Variants in OSBPL9 observed in about 807,000 individuals in gnomAD.
OSBPL9 encodes oxysterol-binding protein-related protein 9.
In OSBPL9, 40 loss-of-function variants were observed where a neutral mutation model predicts 106.6. That is an observed-to-expected ratio of 0.38 (90% CI 0.29 to 0.49). OSBPL9 has a LOEUF of 0.49. OSBPL9 is among the 20% of genes least tolerant of loss of function. OSBPL9 has a pLI of 0.97. For synonymous variants in OSBPL9, 269 were observed against 295.4 expected (o/e 0.91, Z 0.92); for missense variants, 609 against 887.2 (o/e 0.69, Z 3.98).
chr1:51,712,867 CAGA>C (rs1166049033), intron 3 of OSBPL9, among the ~76,000 whole-genome samples: 1 of 152,208 alleles, frequency 6.6e-6, no homozygotes, highest in East Asian at 1.9e-4. Context: ...TATCTTCCTA[CAGA>C]AAAGATTTTC....
rs201729184 is a variant in OSBPL9, at chr1:51,750,160, A to G, written c.508A>G (p.Ile170Val). 209 of 1,607,086 alleles carry G rather than the reference A, an allele frequency of 1.3e-4. 1 individual carries two copies. In the East Asian group the frequency reaches 1.5e-3, roughly 12 times the overall value. ...GTTTTTATAGAGCATGGTAGAATCA[A>G]TTAAACACTGCATTGTGTTGCTGCA... ...KETTNSMVES[I>V]KHCIVLLQIA... is the part of the protein sequence containing the mutation. The change falls in exon 8 of 24, where the codon ATT becomes GTT. Residue 170 changes from isoleucine (I) to valine (V), a missense_variant. Ile to Val is a conservative substitution (Grantham distance 29). Coordinates refer to ENST00000428468, the MANE Select transcript of OSBPL9 (RefSeq NM_024586.6).
the OSBPL9 span, among the ~76,000 whole-genome samples, chr1:51,551,033 TC>T: frequency 6.6e-6 from 1 of 152,084 alleles, no homozygotes; most frequent in Admixed American, 6.6e-5. Flanking sequence ...AAATGATCAC[TC>T]CCTTTCTACT....
In OSBPL9 at chr1:51,750,819, T is replaced by C. The variant is rs72898095; in HGVS notation, c.543+624T>C. The stretch of plus-strand genomic sequence containing the variant: ...ATTTTTAAAACTATTTCTACCTCAC[T>C]ACACCCCTTTATTTCCAGCAAGTGG... On this transcript the variant is annotated intron_variant, in intron 8 of 23. Transcript: ENST00000428468. Among the ~76,000 whole-genome samples the C allele has an allele frequency of 7.2e-3, 1,093 of 152,334 alleles. 10 individuals are homozygous for C. Among genetic ancestry groups the C allele is most frequent in the African/African-American group, 0.025 (1,051 of 41,574 alleles).
chr1:51,692,883 G>T lies in OSBPL9; in HGVS notation c.242-21120G>T, dbSNP rs569878136. The stretch of plus-strand genomic sequence containing the variant: ...GTCCATGACTGTATATGTTAGAAGG[G>T]ATAAGTACAATAGAGAAAAGAAAAA... On this transcript the variant is annotated intron_variant, in intron 3 of 23. Transcript: ENST00000428468. Among the ~76,000 whole-genome samples, 50 of 152,018 alleles carry T rather than the reference G, an allele frequency of 3.3e-4. 1 individual carries two copies. Among genetic ancestry groups the T allele is most frequent in the African/African-American group, 1.2e-3 (49 of 41,466 alleles).
chr1:51,786,942 A>C (rs1001345111), intron 22 of OSBPL9, among the ~76,000 whole-genome samples: 1 of 152,166 alleles, frequency 6.6e-6, no homozygotes, highest in African/African-American at 2.4e-5. Flanking sequence ...TCATATTGTT[A>C]AATCCAAGGG....
the OSBPL9 span, among the ~76,000 whole-genome samples, chr1:51,518,781 G>A: frequency 6.6e-6 from 1 of 151,618 alleles, no homozygotes; most frequent in South Asian, 2.1e-4. Context: ...CGTGCGGCCC[G>A]GGGGTGCGGC....
intron 2 of OSBPL9, among the ~76,000 whole-genome samples, chr1:51,598,718 G>A (rs567545144): frequency 6.6e-6 from 1 of 152,304 alleles, no homozygotes; most frequent in Admixed American, 6.5e-5. Context: ...CATGGGCTGG[G>A]CACGGTGGCT....
chr1:51,599,555 C>T (rs75045485), intron 2 of OSBPL9, among the ~76,000 whole-genome samples: 5,195 of 152,074 alleles, frequency 0.034, 234 homozygotes, highest in East Asian at 0.11. Flanking sequence ...AGAGATTTGT[C>T]ATAAGTCTAA....
chr1:51,605,977 CAAAG>C (rs61068123), intron 2 of OSBPL9, among the ~76,000 whole-genome samples: 10,882 of 140,348 alleles, frequency 0.078, 839 homozygotes, highest in African/African-American at 0.2. Context: ...AAGAAAGAAA[CAAAG>C]AAAGAGAGCG....
At chr1:51,668,355 C>G (rs1444940239) in intron 2 of OSBPL9, among the ~76,000 whole-genome samples, 1 of 152,162 alleles carries the variant, frequency 6.6e-6, no homozygotes, top group African/African-American at 2.4e-5. Flanking sequence ...GGTGTGGTGG[C>G]GCACTCCTGT....
chr1:51,651,927 A>T, intron 1 of OSBPL9, 64 bp from the exon 2 acceptor site: 1 of 1,323,554 alleles, frequency 7.6e-7, no homozygotes, highest in Admixed American at 1.8e-5. Context: ...TCCCCAGATG[A>T]TTCTAAAAAC....
At chr1:51,716,617 A>G (rs1661103712) in intron 4 of OSBPL9, among the ~76,000 whole-genome samples, 2 of 152,156 alleles carry the variant, frequency 1.3e-5, no homozygotes, top group South Asian at 4.1e-4. Context: ...AGTAGCACTC[A>G]GTAAATGTTA....
chr1:51,684,044 C>CA (rs2148809328), intron 3 of OSBPL9, among the ~76,000 whole-genome samples: 1 of 152,192 alleles, frequency 6.6e-6, no homozygotes, highest in East Asian at 1.9e-4. Flanking sequence ...TGCTGTGTCA[C>CA]CGAGGCTAGA....
intron 12 of OSBPL9, among the ~76,000 whole-genome samples, chr1:51,768,515 A>C (rs1571665825): frequency 1.3e-5 from 2 of 152,254 alleles, no homozygotes; most frequent in Admixed American, 6.5e-5. Flanking sequence ...CACCTGGCCT[A>C]AAGACAATAC....
At chr1:51,596,489 G>T (rs1645300293) in intron 1 of OSBPL9, among the ~76,000 whole-genome samples, 1 of 149,834 alleles carries the variant, frequency 6.7e-6, no homozygotes, top group Non-Finnish European at 1.5e-5. Flanking sequence ...AACCCAGGAG[G>T]TGGAGGTTGC....
chr1:51,618,823 C>T (rs1266767530), intron 1 of OSBPL9, among the ~76,000 whole-genome samples: 1 of 152,202 alleles, frequency 6.6e-6, no homozygotes, highest in Non-Finnish European at 1.5e-5. Flanking sequence ...CTCAACATCA[C>T]ATAGCACTAA....
chr1:51,572,064 A>G, the OSBPL9 span, among the ~76,000 whole-genome samples: 2 of 152,172 alleles, frequency 1.3e-5, no homozygotes, highest in Admixed American at 6.5e-5. Context: ...TACTCTGGAA[A>G]TGGTTTTCCC....
chr1:51,774,679 T>TCTCTAA (rs1255674227), intron 14 of OSBPL9, among the ~76,000 whole-genome samples: 1 of 152,138 alleles, frequency 6.6e-6, no homozygotes, highest in Non-Finnish European at 1.5e-5. Context: ...TGAGTTAATT[T>TCTCTAA]TTCAGGGCCT....
intron 1 of OSBPL9, among the ~76,000 whole-genome samples, chr1:51,591,160 T>C (rs1266582273): frequency 5.3e-5 from 8 of 152,002 alleles, no homozygotes; most frequent in Non-Finnish European, 1.2e-4. Context: ...CCTCGTGATC[T>C]GCCCACCTCG....
Sources: allele counts gnomAD v4.1 joint callset (sites outside exome capture counted in the v4.1 genomes callset), GRCh38; gene constraint gnomAD v4.1.1; transcripts MANE v1.5; gene names NCBI Gene and HGNC (gene_info 2026-07-23, HGNC 2026-07-21).